ZCCHC2: variants seen among roughly 807,000 people sequenced by gnomAD.
ZCCHC2 encodes the protein zinc finger CCHC-type containing 2, also known as zinc finger CCHC domain-containing protein 2.
Under a neutral mutation model 103.6 loss-of-function variants are expected in ZCCHC2, and 39 were observed. That is an observed-to-expected ratio of 0.38 (90% confidence interval 0.29 to 0.49). The LOEUF is 0.49. Ranked by LOEUF, ZCCHC2 falls within the 20% of genes least tolerant of loss-of-function variation. The pLI is 0.96. For synonymous variants in ZCCHC2, 687 were observed against 608.9 expected (o/e 1.13, Z -1.89); for missense variants, 1,483 against 1,491.0 (o/e 0.99, Z 0.09).
intron 9 of ZCCHC2, among the ~76,000 whole-genome samples, chr18:62,563,473 A>G (rs1005989267): frequency 1.3e-5 from 2 of 152,166 alleles, no homozygotes; most frequent in African/African-American, 2.4e-5. Flanking sequence ...CCTCGGCAAC[A>G]TACTGAAACC....
At chr18:62,584,015 C>T (rs930079323) in intron 14 of ZCCHC2, among the ~76,000 whole-genome samples, 1 of 152,090 alleles carries the variant, frequency 6.6e-6, no homozygotes, top group African/African-American at 2.4e-5. Flanking sequence ...AGGTTGGATT[C>T]CTAGGGTCAG....
intron 1 of ZCCHC2, among the ~76,000 whole-genome samples, chr18:62,532,499 G>A (rs1914729026): frequency 6.6e-6 from 1 of 152,042 alleles, no homozygotes; most frequent in African/African-American, 2.4e-5. Context: ...TCTTTTCTTT[G>A]AGTGACTGAT....
intron 4 of ZCCHC2, among the ~76,000 whole-genome samples, chr18:62,545,918 C>G (rs1374726585): frequency 3.9e-5 from 6 of 152,188 alleles, no homozygotes; most frequent in African/African-American, 1.4e-4. Context: ...ACATTAGATG[C>G]TGGTTCTTTG....
chr18:62,534,574 C>T (rs1291586870), intron 1 of ZCCHC2, among the ~76,000 whole-genome samples: 1 of 152,154 alleles, frequency 6.6e-6, no homozygotes, highest in East Asian at 1.9e-4. Context: ...GATAATTAAA[C>T]TTTGGTCACT....
At chr18:62,566,398 C>T (rs1476160003) in intron 11 of ZCCHC2, among the ~76,000 whole-genome samples, 2 of 152,110 alleles carry the variant, frequency 1.3e-5, no homozygotes, top group South Asian at 2.1e-4. Context: ...CCTCTGGTGG[C>T]GATGGCAGCT....
chr18:62,524,477 G>C (rs1914256641), intron 1 of ZCCHC2, 114 bp downstream of exon 1: 7 of 1,383,706 alleles, frequency 5.1e-6, no homozygotes, highest in Non-Finnish European at 6.5e-6. Context: ...AGGTGGCTCG[G>C]AATCCCCACC....
rs773508508 is a variant in ZCCHC2 at position 62,558,785 on chromosome 18, A to T, written c.1492+15A>T. 6.6e-7 allele frequency: 1 copy of T among 1,504,526 alleles called. No homozygotes were observed. Among genetic ancestry groups the T allele is most frequent in the Non-Finnish European group, 9.0e-7 (1 of 1,116,652 alleles). The allele number at this position is 1,504,526 out of a possible 1,614,324, so 93.2% of individuals were successfully genotyped here. A position where few individuals can be genotyped will look rare whatever the true frequency, so the allele number is the denominator to read the frequency against. On this transcript the variant is annotated intron_variant, in intron 7 of 13. Transcript: ENST00000269499. ...TCAAGAAGAAGGTAAAGGTAGATTC[A>T]CTAGAGTAAATCATTCTGCCTGCTG...
At chr18:62,536,620 A>T (rs1275995973) in intron 1 of ZCCHC2, among the ~76,000 whole-genome samples, 1 of 152,110 alleles carries the variant, frequency 6.6e-6, no homozygotes, top group Admixed American at 6.5e-5. Flanking sequence ...GCAGCCACCC[A>T]CCATTGGGGC....
chr18:62,541,436 C>A (rs1598937510), intron 2 of ZCCHC2, among the ~76,000 whole-genome samples: 1 of 152,284 alleles, frequency 6.6e-6, no homozygotes, highest in Non-Finnish European at 1.5e-5. Flanking sequence ...TCTTACTCCT[C>A]CTCTATGCTT....
At chr18:62,559,586 G>A (rs919586625) in intron 7 of ZCCHC2, among the ~76,000 whole-genome samples, 2 of 152,202 alleles carry the variant, frequency 1.3e-5, no homozygotes, top group African/African-American at 4.8e-5. Context: ...AGTGAAGTTG[G>A]AGATAATTAT....
At chr18:62,556,565 A>C (rs554294241) in intron 6 of ZCCHC2, among the ~76,000 whole-genome samples, 1 of 152,132 alleles carries the variant, frequency 6.6e-6, no homozygotes, top group South Asian at 2.1e-4. Flanking sequence ...CCTGGGCAGG[A>C]ACTGTTCCCT....
At chr18:62,545,198 C>G (rs1915359607) in intron 4 of ZCCHC2, among the ~76,000 whole-genome samples, 1 of 151,420 alleles carries the variant, frequency 6.6e-6, no homozygotes, top group Non-Finnish European at 1.5e-5. Context: ...CCAGACTGGG[C>G]AACTTAGTGA....
intron 9 of ZCCHC2, among the ~76,000 whole-genome samples, chr18:62,564,220 G>A (rs923253498): frequency 5.3e-5 from 8 of 152,150 alleles, no homozygotes; most frequent in African/African-American, 1.7e-4. Flanking sequence ...TAGAGTTGAC[G>A]TAGTTAAGTG....
exon 15 of ZCCHC2, chr18:62,585,168 A>G (rs1472794156): frequency 6.6e-6 from 1 of 152,268 alleles, no homozygotes; most frequent in Non-Finnish European, 1.5e-5. Flanking sequence ...GGCTTTCAAA[A>G]GCATTTACCT....
chr18:62,553,156 A>ATGTGTG lies in ZCCHC2; in HGVS notation c.1313+2738_1313+2743dup, dbSNP rs142422088. Among the ~76,000 whole-genome samples, 381 of 139,852 alleles carry ATGTGTG rather than the reference A, an allele frequency of 2.7e-3. 1 individual carries two copies. The highest frequency in any genetic ancestry group is 8.5e-3 in the South Asian group (35 of 4,128). 91.7% of individuals were successfully genotyped at this position (139,852 alleles called of 152,430 possible). ...TGTGCACATACATGCCCTTAGATTTATGTGTGTGTGTGTGTGTGTGTGTGT... is the reference window on the plus strand; with the variant it reads ...TGTGCACATACATGCCCTTAGATTTATGTGTGTGTGTGTGTGTGTGTGTGTGTGTGT... On this transcript the variant is annotated intron_variant, in intron 5 of 13. Transcript: ENST00000269499.
intron 4 of ZCCHC2, among the ~76,000 whole-genome samples, chr18:62,550,099 C>T (rs1915599330): frequency 6.6e-6 from 1 of 152,312 alleles, no homozygotes; most frequent in East Asian, 1.9e-4. Flanking sequence ...CAGGAACATG[C>T]TGAATGCTGT....
At chr18:62,530,002 G>A (rs1468159367) in intron 1 of ZCCHC2, among the ~76,000 whole-genome samples, 1 of 152,186 alleles carries the variant, frequency 6.6e-6, no homozygotes, top group Non-Finnish European at 1.5e-5. Flanking sequence ...GCTATTTAGA[G>A]TATACAGGAG....
intron 7 of ZCCHC2, 60 bp downstream of exon 7, chr18:62,558,830 T>C (rs1180710338): frequency 6.1e-6 from 7 of 1,143,174 alleles, no homozygotes; most frequent in Non-Finnish European, 8.6e-6. Context: ...GGATAGAACA[T>C]TTAAGGAGTG....
At chr18:62,539,946 T>G (rs1393599831) in intron 2 of ZCCHC2, among the ~76,000 whole-genome samples, 154 bp downstream of exon 2, 1 of 152,178 alleles carries the variant, frequency 6.6e-6, no homozygotes. Flanking sequence ...TCCTCCTAGT[T>G]CTGCCATCTG....
Sources: allele counts gnomAD v4.1 joint callset (sites outside exome capture counted in the v4.1 genomes callset), GRCh38; gene constraint gnomAD v4.1.1; transcripts MANE v1.5; gene names NCBI Gene and HGNC (gene_info 2026-07-23, HGNC 2026-07-21).